Variants in ASIC2 observed in about 807,000 individuals in gnomAD.
The protein encoded by ASIC2 is acid sensing ion channel subunit 2.
Under a neutral mutation model 57.3 loss-of-function variants are expected in ASIC2, and 25 were observed. That is an observed-to-expected ratio of 0.44 (90% CI 0.32 to 0.61). The LOEUF is 0.61. Among genes scored for constraint, ASIC2 ranks in the 20% least tolerant of loss-of-function variants. ASIC2 has a pLI of 0.06. For missense variants in ASIC2, 641 were observed against 738.1 expected (o/e 0.87, Z 1.52); for synonymous variants, 319 against 307.5 (o/e 1.04, Z -0.39).
chr17:33,760,798 T>C (rs533466316), intron 1 of ASIC2, among the ~76,000 whole-genome samples: 3 of 152,282 alleles, frequency 2.0e-5, no homozygotes, highest in African/African-American at 4.8e-5. Flanking sequence ...TTTAGACTTA[T>C]GGTCTATGGG....
At chr17:33,609,706 C>T (rs1176639673) in intron 1 of ASIC2, among the ~76,000 whole-genome samples, 1 of 152,202 alleles carries the variant, frequency 6.6e-6, no homozygotes, top group African/African-American at 2.4e-5. Flanking sequence ...ACATTGCTGT[C>T]TTTTCAGCCT....
intron 1 of ASIC2, among the ~76,000 whole-genome samples, chr17:33,714,923 T>C (rs1184148314): frequency 6.7e-6 from 1 of 149,164 alleles, no homozygotes; most frequent in Non-Finnish European, 1.5e-5. Context: ...CCTCCAGCAA[T>C]CCTCCCACCT....
At chr17:33,397,577 G>C (rs985852233) in intron 1 of ASIC2, among the ~76,000 whole-genome samples, 1 of 152,144 alleles carries the variant, frequency 6.6e-6, no homozygotes, top group Admixed American at 6.5e-5. Context: ...GAGAGAAGCT[G>C]GTGGCAGCAG....
chr17:34,091,749 C>T (rs1050121368), intron 1 of ASIC2, among the ~76,000 whole-genome samples: 7 of 152,194 alleles, frequency 4.6e-5, no homozygotes, highest in African/African-American at 1.4e-4. Flanking sequence ...TGAGTTGAAG[C>T]TGTCATTGAG....
chr17:33,951,379 T>A (rs894295278), intron 1 of ASIC2, among the ~76,000 whole-genome samples: 1 of 152,078 alleles, frequency 6.6e-6, no homozygotes, highest in African/African-American at 2.4e-5. Flanking sequence ...TCCAGGACTC[T>A]CCGACTCCAA....
At chr17:34,109,309 G>T (rs1397146780) in intron 1 of ASIC2, among the ~76,000 whole-genome samples, 1 of 152,066 alleles carries the variant, frequency 6.6e-6, no homozygotes, top group African/African-American at 2.4e-5. Flanking sequence ...ACTATGGCAG[G>T]AATATACCAA....
chr17:33,278,905 G>C (rs1904825698), intron 1 of ASIC2, among the ~76,000 whole-genome samples: 1 of 152,096 alleles, frequency 6.6e-6, no homozygotes, highest in Non-Finnish European at 1.5e-5. Context: ...GGAGATGACA[G>C]CTGAGGAAGG....
At chr17:33,377,296 C>T (rs1316555331) in intron 1 of ASIC2, among the ~76,000 whole-genome samples, 1 of 152,214 alleles carries the variant, frequency 6.6e-6, no homozygotes, top group Non-Finnish European at 1.5e-5. Context: ...AGGGATCCAC[C>T]TGCCTCAGCC....
intron 4 of ASIC2, among the ~76,000 whole-genome samples, chr17:33,026,853 C>T (rs374347812): frequency 2.9e-4 from 44 of 152,216 alleles, no homozygotes; most frequent in South Asian, 2.3e-3. Context: ...AATCCTTTTT[C>T]GGAGCCGAAG....
At chr17:33,139,596 G>T (rs957148839) in intron 1 of ASIC2, among the ~76,000 whole-genome samples, 5 of 152,134 alleles carry the variant, frequency 3.3e-5, no homozygotes, top group Admixed American at 3.3e-4. Context: ...GGTTCCCCTG[G>T]CTCTCAGCCT....
intron 1 of ASIC2, among the ~76,000 whole-genome samples, chr17:33,761,250 T>C (rs1301918821): frequency 2.0e-5 from 3 of 152,228 alleles, no homozygotes; most frequent in Non-Finnish European, 2.9e-5. Flanking sequence ...TTTTGTTGGA[T>C]GGATTGAGTA....
At chr17:33,845,981 G>A (rs1022692820) in intron 1 of ASIC2, among the ~76,000 whole-genome samples, 2 of 152,118 alleles carry the variant, frequency 1.3e-5, no homozygotes, top group Non-Finnish European at 1.5e-5. Flanking sequence ...TCGTATTGGC[G>A]AGGGGACTTT....
chr17:33,337,585 C>T (rs1364649964), intron 1 of ASIC2, among the ~76,000 whole-genome samples: 1 of 152,162 alleles, frequency 6.6e-6, no homozygotes, highest in Non-Finnish European at 1.5e-5. Flanking sequence ...TGAGATAATT[C>T]GTTTGGCAAA....
rs145416136 is a variant in ASIC2 at position 33,661,428 on chromosome 17, A to G, written c.555+494550T>C. On this transcript the variant is annotated intron_variant, in intron 1 of 9. Coordinates refer to the ASIC2 transcript ENST00000359872. Reference sequence around the variant, plus strand: ...CCATTGCACAATAACGAGGGCCATCATCTTTGTAGAATAAATAGAAACAGA... The same window carrying G: ...CCATTGCACAATAACGAGGGCCATCGTCTTTGTAGAATAAATAGAAACAGA... Among the ~76,000 whole-genome samples, 137 of 152,346 alleles carry G rather than the reference A, an allele frequency of 9.0e-4. No individual in the cohort carries two copies. In the East Asian group the frequency reaches 0.025, roughly 28 times the overall value.
chr17:33,452,958 A>AG (rs142831430), intron 1 of ASIC2, among the ~76,000 whole-genome samples: 6,817 of 152,238 alleles, frequency 0.045, 489 homozygotes, highest in African/African-American at 0.15. Flanking sequence ...AGAAAGGTAA[A>AG]GACTCATGAA....
At chr17:33,269,631 C>CTTCT (rs1305401694) in intron 1 of ASIC2, among the ~76,000 whole-genome samples, 38 of 57,898 alleles carry the variant, frequency 6.6e-4, no homozygotes, top group African/African-American at 1.8e-3. Flanking sequence ...TCCTTCCTTC[C>CTTCT]TTCCTTCCTT....
intron 1 of ASIC2, among the ~76,000 whole-genome samples, chr17:33,967,821 G>A (rs1217401265): frequency 6.6e-6 from 1 of 152,184 alleles, no homozygotes; most frequent in East Asian, 1.9e-4. Context: ...TAGACAAGAT[G>A]TGACAAGATG....
At chr17:33,279,447 C>T (rs1258766461) in intron 1 of ASIC2, among the ~76,000 whole-genome samples, 4 of 152,276 alleles carry the variant, frequency 2.6e-5, no homozygotes, top group Non-Finnish European at 4.4e-5. Context: ...TGACTTTGGG[C>T]CATGAACTCA....
intron 1 of ASIC2, among the ~76,000 whole-genome samples, chr17:33,802,942 C>A (rs1912171495): frequency 6.6e-6 from 1 of 152,122 alleles, no homozygotes; most frequent in Admixed American, 6.5e-5. Context: ...CGTGTTTCTT[C>A]CTTGATGTTG....
Sources: allele counts gnomAD v4.1 joint callset (sites outside exome capture counted in the v4.1 genomes callset), GRCh38; gene constraint gnomAD v4.1.1; transcripts MANE v1.5; gene names NCBI Gene and HGNC (gene_info 2026-07-23, HGNC 2026-07-21).